The following RGMA variants were observed in gnomAD, a reference collection of about 807,000 sequenced individuals.
The protein encoded by RGMA is repulsive guidance molecule BMP co-receptor a.
In RGMA, 10 loss-of-function variants were observed where a neutral mutation model predicts 23.2. That is an observed-to-expected ratio of 0.43 (90% CI 0.27 to 0.73). RGMA has a LOEUF of 0.73. Among genes scored for constraint, RGMA ranks in the 30% least tolerant of loss-of-function variants. The pLI is 0.20. For synonymous variants in RGMA, 308 were observed against 279.3 expected (o/e 1.10, Z -1.03); for missense variants, 547 against 630.5 (o/e 0.87, Z 1.42).
At chr15:93,059,212 TC>T (rs1459432380) in intron 2 of RGMA, among the ~76,000 whole-genome samples, 3 of 151,962 alleles carry the variant, frequency 2.0e-5, no homozygotes, top group Admixed American at 6.6e-5. Flanking sequence ...CTGACCCAGC[TC>T]CCCCAAGGCC....
At chr15:93,073,284 G>A (rs1895400913) in intron 1 of RGMA, 8 of 809,356 alleles carry the variant, frequency 9.9e-6, no homozygotes, top group Non-Finnish European at 1.3e-5. Context: ...GGGTTTCAGC[G>A]AGGCCGGCGA....
rs927965556 is a variant in RGMA, at chr15:93,037,923, A to G, written c.*7075T>C. On this transcript the variant is annotated 3_prime_UTR_variant, in exon 4 of 4. Coordinates refer to ENST00000329082, the MANE Select transcript of RGMA (RefSeq NM_020211.3). The surrounding 1 kb of genome is among the most constrained non-coding windows in gnomAD (Gnocchi z 4.3). ...CCTGGGATCACAGCCCTCATTCCGG[A>G]ACGCCACTGACATTACGAGCGTGCC... is the stretch of plus-strand genomic sequence containing the variant. 15 of 152,252 alleles carry G rather than the reference A, an allele frequency of 9.9e-5. No individual in the cohort carries two copies. Among genetic ancestry groups the G allele is most frequent in the African/African-American group, 3.6e-4 (15 of 41,418 alleles). The allele number at this position is 152,252 out of a possible 1,614,324, so 9.4% of individuals were successfully genotyped here.
intron 1 of RGMA, among the ~76,000 whole-genome samples, chr15:93,074,463 G>A (rs147587713): frequency 1.3e-5 from 2 of 152,300 alleles, no homozygotes; most frequent in East Asian, 3.9e-4. Flanking sequence ...CCACAAAACA[G>A]GTACACAAGG....
At chr15:93,048,169 G>A (rs549776569) in intron 3 of RGMA, among the ~76,000 whole-genome samples, 6 of 152,316 alleles carry the variant, frequency 3.9e-5, no homozygotes, top group African/African-American at 1.4e-4. Flanking sequence ...GCCCCTGGCC[G>A]TGTTGCTGTG....
chr15:93,082,960 A>G (rs1895582062), intron 1 of RGMA, among the ~76,000 whole-genome samples: 1 of 152,250 alleles, frequency 6.6e-6, no homozygotes, highest in African/African-American at 2.4e-5. Context: ...CTCAAGTTTT[A>G]AGCCAGATGG....
intron 1 of RGMA, among the ~76,000 whole-genome samples, chr15:93,080,323 C>T (rs560359269): frequency 4.6e-5 from 7 of 152,196 alleles, no homozygotes; most frequent in African/African-American, 7.2e-5. Flanking sequence ...CTCAGCCTCC[C>T]GAGTAGCTGG....
At chr15:93,088,472 C>T in intron 1 of RGMA, 4 of 987,906 alleles carry the variant, frequency 4.0e-6, no homozygotes, top group Non-Finnish European at 4.8e-6. Context: ...CGCCGACATC[C>T]CCGAGGGCAG....
rs1567177949 is a variant in RGMA, at chr15:93,045,409, G to T, written c.942C>A (p.Leu314=). 1 of 1,613,198 alleles carries T rather than the reference G, an allele frequency of 6.2e-7. No individual in the cohort carries two copies. Among genetic ancestry groups the T allele is most frequent in the Non-Finnish European group, 8.5e-7 (1 of 1,179,840 alleles). ...VEDWDSQGLY[L]CLRGCPLNQQ... ...GGTTGAGGGGGCAGCCCCGCAGGCAGAGGTAGAGACCCTGGCTGTCCCAGT... is the reference window on the plus strand; with the variant it reads ...GGTTGAGGGGGCAGCCCCGCAGGCATAGGTAGAGACCCTGGCTGTCCCAGT... The change falls in exon 4 of 4, where the codon CTC becomes CTA. Residue 314 remains leucine (L), a synonymous_variant. Coordinates refer to ENST00000329082, the MANE Select transcript of RGMA (RefSeq NM_020211.3). The surrounding 1 kb of genome is among the most constrained non-coding windows in gnomAD (Gnocchi z 6.9).
At chr15:93,073,256 C>T in intron 1 of RGMA, 1 of 1,007,092 alleles carries the variant, frequency 9.9e-7, no homozygotes, top group African/African-American at 1.7e-5. Context: ...GCCGCCTGCG[C>T]ACCGCCCCCT....
At chr15:93,050,559 G>A (rs1194023702) in intron 3 of RGMA, among the ~76,000 whole-genome samples, 1 of 152,198 alleles carries the variant, frequency 6.6e-6, no homozygotes, top group Admixed American at 6.5e-5. Context: ...AAGCCTCCAT[G>A]CTGGGATAGG....
chr15:93,071,887 G>A (rs1036040991), intron 2 of RGMA, among the ~76,000 whole-genome samples: 36 of 152,310 alleles, frequency 2.4e-4, no homozygotes, highest in African/African-American at 3.1e-4. Context: ...TCTGAACCCC[G>A]CAAACACAAT....
At position 93,044,979 on chromosome 15, in the gene RGMA, TC is replaced by T; in HGVS notation, c.*18del. ...AAGCCGAGAGGACGGAGCCCGCGCC[TC>T]CCTCCACATCTACGCGTCTAGCAGA... On this transcript the variant is annotated 3_prime_UTR_variant, in exon 4 of 4. Transcript: ENST00000329082. 1 of 1,574,822 alleles carries T rather than the reference TC, an allele frequency of 6.3e-7. No individual in the cohort carries two copies. The highest frequency in any genetic ancestry group is 8.6e-7 in the Non-Finnish European group (1 of 1,157,142).
In RGMA at chr15:93,045,304, G is replaced by T. The variant is rs770231480; in HGVS notation, c.1047C>A (p.Pro349=). Residue 349 remains proline (P), a synonymous_variant, in exon 4 of 4, where the codon CCC becomes CCA. Coordinates refer to ENST00000329082, the MANE Select transcript of RGMA (RefSeq NM_020211.3). This position sits in a 1 kb window ranked among gnomAD's most constrained non-coding sequence, Gnocchi z 6.9. ...CGTATGGGAAGGTCTCGGGGGCTGT[G>T]GGTGCAGGGCTGGCGGCTGCCAGCC... is the stretch of plus-strand genomic sequence containing the variant. ...ARRLAAASPA[P]TAPETFPYET... The T allele has an allele frequency of 2.1e-5, 34 of 1,612,422 alleles. No individual in the cohort carries two copies. Among genetic ancestry groups the T allele is most frequent in the Non-Finnish European group, 2.7e-5 (32 of 1,179,662 alleles).
intron 2 of RGMA, among the ~76,000 whole-genome samples, chr15:93,054,647 CT>C (rs1206656579): frequency 6.6e-6 from 1 of 152,206 alleles, no homozygotes; most frequent in Non-Finnish European, 1.5e-5. Context: ...AACCTCTTTC[CT>C]TTATAAATTA....
In RGMA at chr15:93,045,855, C is replaced by T; in HGVS notation, c.646-150G>A. 1 of 612,014 alleles carries T rather than the reference C, an allele frequency of 1.6e-6. No homozygotes were observed. Among genetic ancestry groups the T allele is most frequent in the East Asian group, 2.7e-5 (1 of 36,384 alleles). 37.9% of individuals were successfully genotyped at this position (612,014 alleles called of 1,614,324 possible). On this transcript the variant is annotated intron_variant, in intron 3 of 3. Coordinates refer to ENST00000329082, the MANE Select transcript of RGMA (RefSeq NM_020211.3). The surrounding 1 kb of genome is among the most constrained non-coding windows in gnomAD (Gnocchi z 6.9). ...CTTCTCCAGGTTGGACAGATCAGTT[C>T]CACCTGCGCAGCTGTGCACTTCACA...
intron 3 of RGMA, among the ~76,000 whole-genome samples, chr15:93,051,539 G>A (rs1302452905): frequency 6.6e-6 from 1 of 151,920 alleles, no homozygotes; most frequent in East Asian, 1.9e-4. Context: ...TGGGTCCATG[G>A]CTGTGTGTGT....
At chr15:93,088,824 A>G (rs1895685923) in intron 1 of RGMA, 95 bp downstream of exon 1, 1 of 1,174,794 alleles carries the variant, frequency 8.5e-7, no homozygotes. Context: ...ACGCGGGGCT[A>G]AGGAAGACCA....
Position 93,073,010 on chromosome 15 carries a change from G to T in RGMA, c.36C>A (p.Gly12=). Residue 12 remains glycine (G), a synonymous_variant, in exon 2 of 4, where the codon GGC becomes GGA. Coordinates refer to ENST00000329082, the MANE Select transcript of RGMA (RefSeq NM_020211.3). Reference sequence around the variant, plus strand: ...TCCCCATACCCATCCATCCAGCTCGGCCTGTTACCACTAGCCTCTCCCTGG... The same window carrying T: ...TCCCCATACCCATCCATCCAGCTCGTCCTGTTACCACTAGCCTCTCCCTGG... ...QPPRERLVVT[G]RAGWMGMGRG... 6.2e-7 allele frequency: 1 copy of T among 1,609,954 alleles called. No homozygotes were observed. The highest frequency in any genetic ancestry group is 8.5e-7 in the Non-Finnish European group (1 of 1,178,328).
intron 3 of RGMA, among the ~76,000 whole-genome samples, chr15:93,048,355 T>C (rs1387766172): frequency 6.6e-6 from 1 of 152,166 alleles, no homozygotes; most frequent in East Asian, 1.9e-4. Flanking sequence ...AGGGGCAGGC[T>C]GCTGGAGGAC....
Sources: gnomAD v4.1 joint callset for allele counts (sites outside exome capture counted in the v4.1 genomes callset) on GRCh38, gnomAD v4.1.1 for gene constraint, Gnocchi (gnomAD v3.1) non-coding constraint, MANE v1.5 for transcripts, NCBI Gene and HGNC (gene_info 2026-07-23, HGNC 2026-07-21) for gene names.